Variants in MYCBP2 observed in about 807,000 individuals in gnomAD.
MYCBP2 encodes the protein E3 ubiquitin-protein ligase MYCBP2.
A neutral mutation model predicts 525.3 loss-of-function variants in MYCBP2; 120 were observed. The observed-to-expected ratio is 0.23, with a 90% CI of 0.20 to 0.27. MYCBP2 has a LOEUF of 0.27. Among genes scored for constraint, MYCBP2 ranks in the 10% least tolerant of loss-of-function variants. The pLI is 1.00. For missense variants in MYCBP2, 4,149 were observed against 5,657.1 expected (o/e 0.73, Z 8.55); for synonymous variants, 1,894 against 1,955.8 (o/e 0.97, Z 0.83).
chr13:77,235,549 C>T (rs1270376695), intron 17 of MYCBP2, among the ~76,000 whole-genome samples: 4 of 151,860 alleles, frequency 2.6e-5, no homozygotes, highest in African/African-American at 9.7e-5. Context: ...CTTTTTATAC[C>T]ACAAAACTTC....
At chr13:77,261,142 T>A (rs1379104206) in intron 12 of MYCBP2, 29 bp downstream of exon 12, 1 of 1,533,910 alleles carries the variant, frequency 6.5e-7, no homozygotes, top group South Asian at 1.2e-5. Flanking sequence ...TTTATTTTTA[T>A]TAAATGCATA....
intron 17 of MYCBP2, among the ~76,000 whole-genome samples, 188 bp downstream of exon 17, chr13:77,242,871 A>G (rs2069122873): frequency 6.6e-6 from 1 of 152,214 alleles, no homozygotes; most frequent in African/African-American, 2.4e-5. Flanking sequence ...TAAATACCTA[A>G]ACGTATGTTA....
rs142163517 is a variant in MYCBP2 at position 77,141,474 on chromosome 13, G to A, written c.7304-531C>T. On this transcript the variant is annotated intron_variant, in intron 49 of 82. Transcript: ENST00000544440. ...CGAGCTGTTGTAGGAAATAAATGAC[G>A]TAAAATGTACAAGGGGCCAGGCGCA... Among the ~76,000 whole-genome samples the A allele has an allele frequency of 3.1e-3, 469 of 152,056 alleles. 1 individual carries two copies. Among genetic ancestry groups the A allele is most frequent in the African/African-American group, 0.011 (456 of 41,494 alleles).
intron 51 of MYCBP2, 97 bp from the exon 52 acceptor site, chr13:77,139,433 A>C (rs2054252014): frequency 7.5e-7 from 1 of 1,326,912 alleles, no homozygotes; most frequent in Non-Finnish European, 1.0e-6. Flanking sequence ...ATGATGGTGC[A>C]TGTGCAGATT....
chr13:77,257,335 G>C (rs1239894628), intron 14 of MYCBP2, among the ~76,000 whole-genome samples: 1 of 151,986 alleles, frequency 6.6e-6, no homozygotes, highest in African/African-American at 2.4e-5. Flanking sequence ...ACAACAGGGT[G>C]GCTACAGTTG....
chr13:77,207,818 T>C (rs959135997), intron 23 of MYCBP2, among the ~76,000 whole-genome samples: 24 of 152,246 alleles, frequency 1.6e-4, no homozygotes, highest in Non-Finnish European at 2.6e-4. Context: ...TGTTCAACAG[T>C]TTCACTAACT....
chr13:77,265,045 A>G (rs928044814), intron 8 of MYCBP2, among the ~76,000 whole-genome samples: 2 of 152,148 alleles, frequency 1.3e-5, no homozygotes, highest in Non-Finnish European at 2.9e-5. Flanking sequence ...AATAAGCTGG[A>G]TTATTCTTTA....
chr13:77,157,822 T>C (rs1210992674), intron 45 of MYCBP2, 115 bp downstream of exon 45: 1 of 841,716 alleles, frequency 1.2e-6, no homozygotes, highest in South Asian at 1.7e-5. Context: ...AAGTTAAACA[T>C]ACATAAACCA....
Position 77,087,569 on chromosome 13 carries a change from A to G in MYCBP2, c.10790T>C (p.Phe3597Ser). The change falls in exon 62 of 83, where the codon TTT (phenylalanine) becomes TCT (serine). Residue 3597 changes from phenylalanine to serine, a missense_variant. This residue lies in a region of MYCBP2 where 509 missense variants were observed against 789.4 expected (regional missense o/e 0.64). Transcript: ENST00000544440. Reference sequence around the variant, plus strand: ...TGGTGCAGGAGTCAGTGATGCCACAAAATGCCACAGAATATCATGGAGAGA... The same window carrying G: ...TGGTGCAGGAGTCAGTGATGCCACAGAATGCCACAGAATATCATGGAGAGA... ...TTSLHDILWH[F>S]VASLTPAPVE... 1 of 1,613,310 alleles carries G rather than the reference A, an allele frequency of 6.2e-7. No individual in the cohort carries two copies. The highest frequency in any genetic ancestry group is 8.5e-7 in the Non-Finnish European group (1 of 1,179,606).
At chr13:77,195,826 T>C (rs1395382794) in intron 26 of MYCBP2, among the ~76,000 whole-genome samples, 1 of 152,220 alleles carries the variant, frequency 6.6e-6, no homozygotes, top group Non-Finnish European at 1.5e-5. Flanking sequence ...AAATATCTTA[T>C]CAGAATACTT....
Position 77,260,527 on chromosome 13 carries a change from C to T in MYCBP2, c.1918G>A (p.Val640Met), listed in dbSNP as rs995586822. 6 of 1,611,274 alleles carry T rather than the reference C, an allele frequency of 3.7e-6. No homozygotes were observed. In the African/African-American group the frequency reaches 4.0e-5, roughly 11 times the overall value. ...KKIIKMEGKI[V>M]VYTACNNGSS... ...CCATTATTGCAGGCTGTATATACCA[C>T]AATCTTTCCTTCCATCTTAATTATC... Residue 640 changes from valine to methionine, a missense_variant, in exon 13 of 83, where the codon GTG becomes ATG. Coordinates refer to ENST00000544440, the MANE Select transcript of MYCBP2 (RefSeq NM_015057.5).
In MYCBP2 at chr13:77,126,436, C is replaced by T; in HGVS notation, c.7766G>A (p.Gly2589Asp). 6.2e-7 allele frequency: 1 copy of T among 1,613,998 alleles called. No homozygotes were observed. Among genetic ancestry groups the T allele is most frequent in the African/African-American group, 1.3e-5 (1 of 75,042 alleles). The change falls in exon 53 of 83, where the codon GGC becomes GAC. Residue 2589 changes from glycine (G) to aspartate (D), a missense_variant. By Grantham distance (94) the Gly-to-Asp change is moderately conservative (BLOSUM62 -1). Coordinates refer to ENST00000544440, the MANE Select transcript of MYCBP2 (RefSeq NM_015057.5). Reference protein sequence around the residue: ...QDMPFLRGGPGMYKVVKTGPS... With the variant: ...QDMPFLRGGPDMYKVVKTGPS... ...TCCCGTCTTCACTACCTTGTACATGCCTGGCCCTCCTCGCAAGAATGGCAT... is the reference window on the plus strand; with the variant it reads ...TCCCGTCTTCACTACCTTGTACATGTCTGGCCCTCCTCGCAAGAATGGCAT...
Position 77,051,416 on chromosome 13 carries a change from G to C in MYCBP2, c.13756-254C>G, listed in dbSNP as rs113622838. Among the ~76,000 whole-genome samples the C allele has an allele frequency of 2.6e-3, 392 of 152,204 alleles. 3 individuals carry two copies. The highest frequency in any genetic ancestry group is 7.3e-3 in the African/African-American group (303 of 41,524). On this transcript the variant is annotated intron_variant, in intron 81 of 82. Transcript: ENST00000544440. ...TAATCTATCTGATTTAATAAGCAAG[G>C]TACTTAATTTCTTTATGAATGTTTT...
At chr13:77,150,979 C>A in intron 46 of MYCBP2, 30 bp from the exon 47 acceptor site, 1 of 1,532,798 alleles carries the variant, frequency 6.5e-7, no homozygotes, top group Non-Finnish European at 9.0e-7. Context: ...AACCAAATAC[C>A]ATTATTATTT....
At position 77,087,781 on chromosome 13, in the gene MYCBP2, A is replaced by G. The variant is rs1316604575; in HGVS notation, c.10726-148T>C. ...AAAAAAAATGCCTTATAGTTTTACTATTTGTTTTTCTTTTTAAGAGACAGT... is the reference window on the plus strand; with the variant it reads ...AAAAAAAATGCCTTATAGTTTTACTGTTTGTTTTTCTTTTTAAGAGACAGT... On this transcript the variant is annotated intron_variant, in intron 61 of 82. Transcript: ENST00000544440. 3 of 733,312 alleles carry G rather than the reference A, an allele frequency of 4.1e-6. No homozygotes were observed. The East Asian group carries it at 8.4e-5, about 21-fold the overall frequency. The allele number at this position is 733,312 out of a possible 1,614,324, so 45.4% of individuals were successfully genotyped here. A position where few individuals can be genotyped will look rare whatever the true frequency, so the allele number is the denominator to read the frequency against.
At chr13:77,250,684 T>A (rs1454146105) in intron 15 of MYCBP2, among the ~76,000 whole-genome samples, 1 of 152,226 alleles carries the variant, frequency 6.6e-6, no homozygotes, top group African/African-American at 2.4e-5. Context: ...GATGTAACTT[T>A]AGAAGCAAGC....
intron 39 of MYCBP2, 35 bp downstream of exon 39, chr13:77,169,579 A>T: frequency 1.3e-6 from 2 of 1,561,552 alleles, no homozygotes; most frequent in Non-Finnish European, 1.8e-6. Context: ...GATATTTAAA[A>T]AAAACATTCA....
intron 55 of MYCBP2, chr13:77,099,439 C>T (rs559115086): frequency 5.1e-5 from 10 of 195,014 alleles, no homozygotes; most frequent in Non-Finnish European, 8.5e-5. Context: ...AGTGATACCT[C>T]GCATCCTTAG....
Position 77,310,585 on chromosome 13 carries a change from C to T in MYCBP2, c.303-13911G>A, listed in dbSNP as rs570120433. On this transcript the variant is annotated intron_variant, in intron 1 of 82. Transcript: ENST00000544440. The stretch of plus-strand genomic sequence containing the variant: ...TATGTCATATATATGATTATAGACA[C>T]ATATGATATCAAACAGTATCATATA... 1.1e-4 allele frequency among the ~76,000 whole-genome samples: 16 copies of T among 152,202 alleles called. No homozygotes were observed. The South Asian group carries it at 3.3e-3, about 32-fold the overall frequency.
Sources: gnomAD v4.1 joint callset for allele counts (sites outside exome capture counted in the v4.1 genomes callset) on GRCh38, gnomAD v4.1.1 for gene constraint, gnomAD v4.1.1 regional missense constraint, MANE v1.5 for transcripts, NCBI Gene and HGNC (gene_info 2026-07-23, HGNC 2026-07-21) for gene names.